The following MAST3 variants were observed in gnomAD, a reference collection of about 807,000 sequenced individuals.
MAST3 encodes the protein microtubule-associated serine/threonine-protein kinase 3.
A neutral mutation model predicts 127.0 loss-of-function variants in MAST3; 43 were observed. The observed-to-expected ratio is 0.34, with a 90% CI of 0.27 to 0.44. MAST3 has a LOEUF of 0.44. Among genes scored for constraint, MAST3 ranks in the 20% least tolerant of loss-of-function variants. The pLI is 1.00. For synonymous variants in MAST3, 785 were observed against 809.2 expected, an observed-to-expected ratio of 0.97 and a Z score of 0.51; for missense variants, 1,390 against 1,919.1, an observed-to-expected ratio of 0.72 and a Z score of 5.15.
chr19:18,099,628 C>A (rs922242730), intron 1 of MAST3, among the ~76,000 whole-genome samples: 2 of 152,154 alleles, frequency 1.3e-5, no homozygotes, highest in African/African-American at 4.8e-5. Flanking sequence ...AGGATTTGAA[C>A]CCACGCAGTT....
chr19:18,107,023 C>T (rs1401028721), intron 1 of MAST3, among the ~76,000 whole-genome samples: 26 of 134,684 alleles, frequency 1.9e-4, no homozygotes, highest in African/African-American at 7.5e-4. Context: ...ACTCTGTTGC[C>T]CAGGCTAGTT....
At position 18,149,852 on chromosome 19, in the gene MAST3, C is replaced by T. The variant is rs530842381; in HGVS notation, c.*126C>T. The T allele has an allele frequency of 2.5e-5, 35 of 1,380,982 alleles. No homozygotes were observed. In the East Asian group the frequency reaches 4.5e-4, roughly 18 times the overall value. 85.5% of individuals were successfully genotyped at this position (1,380,982 alleles called of 1,614,324 possible). A position where few individuals can be genotyped will look rare whatever the true frequency, so the allele number is the denominator to read the frequency against. On this transcript the variant is annotated 3_prime_UTR_variant, in exon 28 of 28. Transcript: ENST00000687212. The surrounding 1 kb of genome is among the most constrained non-coding windows in gnomAD (Gnocchi z 5.9). The stretch of plus-strand genomic sequence containing the variant: ...ACACCCAGAAGGCGAGAAGCCATCT[C>T]GGTCCTTGCTGGAAGGTGGAGACAT...
rs536235336 is a variant in MAST3 at position 18,123,141 on chromosome 19, T to G, written c.400-76T>G. The G allele has an allele frequency of 3.1e-5, 47 of 1,524,732 alleles. No individual in the cohort carries two copies. The African/African-American group carries it at 6.0e-4, about 19-fold the overall frequency. 94.5% of individuals were successfully genotyped at this position (1,524,732 alleles called of 1,614,324 possible). A position where few individuals can be genotyped will look rare whatever the true frequency, so the allele number is the denominator to read the frequency against. On this transcript the variant is annotated intron_variant, in intron 6 of 27. Transcript: ENST00000687212. ...GATGGCCAGCAGGCAGCCTGGGCCT[T>G]GAGGGGTGGTGCTGGGTTCCTGGCC... is the stretch of plus-strand genomic sequence containing the variant.
chr19:18,141,852 G>A (rs1295622308), intron 20 of MAST3, 30 bp from the exon 21 acceptor site: 26 of 1,376,506 alleles, frequency 1.9e-5, no homozygotes, highest in Middle Eastern at 1.9e-4. Flanking sequence ...CACCGCACCC[G>A]GCTTACCATT....
intron 20 of MAST3, among the ~76,000 whole-genome samples, chr19:18,139,883 G>T (rs1375965080): frequency 7.0e-6 from 1 of 141,978 alleles, no homozygotes; most frequent in Non-Finnish European, 1.5e-5. Context: ...GCAGTGGCGT[G>T]ATCTCTGCTC....
chr19:18,124,083 G>A lies in MAST3; in HGVS notation c.778G>A (p.Glu260Lys), dbSNP rs372528449. ...CCGAGACTGCTTGGCCAAGTCTGGC[G>A]AGAACCTCGTCACCTCCCGCTACTT... ...LARDCLAKSG[E>K]NLVTSRYFLE... The change falls in exon 9 of 28, where the codon GAG becomes AAG. Residue 260 changes from glutamate to lysine, a missense_variant. By Grantham distance (56) the Glu-to-Lys change is moderately conservative. Coordinates refer to ENST00000687212, the MANE Select transcript of MAST3 (RefSeq NM_001393504.1). 36 of 1,610,768 alleles carry A rather than the reference G, an allele frequency of 2.2e-5. No individual in the cohort carries two copies. Among genetic ancestry groups the A allele is most frequent in the Middle Eastern group, 3.3e-4 (2 of 6,084 alleles).
chr19:18,134,883 G>A lies in MAST3; in HGVS notation c.1771G>A (p.Asp591Asn). 6.2e-7 allele frequency: 1 copy of A among 1,614,064 alleles called. No homozygotes were observed. Among genetic ancestry groups the A allele is most frequent in the Non-Finnish European group, 8.5e-7 (1 of 1,179,948 alleles). The change falls in exon 17 of 28, where the codon GAC (aspartate) becomes AAC (asparagine). Residue 591 changes from aspartate (D) to asparagine (N), a missense_variant. Asp to Asn is a conservative substitution (Grantham distance 23, BLOSUM62 1). Coordinates refer to ENST00000687212, the MANE Select transcript of MAST3 (RefSeq NM_001393504.1). ...CCGCCAGGGCTATGGGAAGCCAGTG[G>A]ACTGGTGGGCCATGGGCGTCGTCCT... ...IFRQGYGKPV[D>N]WWAMGVVLYE...
chr19:18,136,833 T>G (rs995310544), intron 18 of MAST3, among the ~76,000 whole-genome samples: 69 of 151,162 alleles, frequency 4.6e-4, no homozygotes, highest in Non-Finnish European at 4.9e-4. Context: ...TGTTGTTGTT[T>G]TTTGAGACAG....
At chr19:18,117,518 C>T (rs2147082171) in intron 3 of MAST3, among the ~76,000 whole-genome samples, 1 of 152,160 alleles carries the variant, frequency 6.6e-6, no homozygotes. Flanking sequence ...TAAGGAGCCC[C>T]CAGCCTGGGG....
At chr19:18,130,446 C>T in intron 13 of MAST3, 48 bp from the exon 14 acceptor site, 1 of 1,520,592 alleles carries the variant, frequency 6.6e-7, no homozygotes, top group Non-Finnish European at 8.9e-7. Flanking sequence ...GTAGTGCCTG[C>T]TGGGGCCTCG....
intron 2 of MAST3, among the ~76,000 whole-genome samples, chr19:18,109,427 T>C (rs2038326415): frequency 6.6e-6 from 1 of 151,782 alleles, no homozygotes; most frequent in Admixed American, 6.6e-5. Flanking sequence ...TGTTGGACCG[T>C]GAATCAATGA....
chr19:18,123,716 A>G, intron 8 of MAST3, 61 bp downstream of exon 8: 2 of 1,356,394 alleles, frequency 1.5e-6, no homozygotes, highest in East Asian at 2.5e-5. Flanking sequence ...CTGTCCCTCC[A>G]TGGAACTCTG....
intron 18 of MAST3, among the ~76,000 whole-genome samples, chr19:18,136,948 A>C (rs1310850114): frequency 1.3e-5 from 2 of 152,042 alleles, no homozygotes; most frequent in East Asian, 3.9e-4. Context: ...CAGCCTCCCG[A>C]GTAGCTGGGA....
At position 18,149,227 on chromosome 19, in the gene MAST3, C is replaced by A; in HGVS notation, c.3545C>A (p.Ser1182Tyr). The A allele has an allele frequency of 6.4e-7, 1 of 1,555,948 alleles. No individual in the cohort carries two copies. Among genetic ancestry groups the A allele is most frequent in the Non-Finnish European group, 8.7e-7 (1 of 1,154,436 alleles). ...TASPPSASPS[S>Y]SSPASPAAAG... ...TCCCCACCCAGCGCATCCCCGAGCT[C>A]CAGCAGCCCCGCCTCCCCAGCTGCT... The change falls in exon 28 of 28, where the codon TCC (serine) becomes TAC (tyrosine). Residue 1182 changes from serine (S) to tyrosine (Y), a missense_variant. By Grantham distance (144) the Ser-to-Tyr change is moderately radical. Coordinates refer to ENST00000687212, the MANE Select transcript of MAST3 (RefSeq NM_001393504.1). This position sits in a 1 kb window ranked among gnomAD's most constrained non-coding sequence, Gnocchi z 5.9.
rs779870622 is a variant in MAST3, at chr19:18,144,543, G to A, written c.2662G>A (p.Asp888Asn). Residue 888 changes from aspartate (D) to asparagine (N), a missense_variant, in exon 23 of 28, where the codon GAT (aspartate) becomes AAT (asparagine). Asp to Asn is a conservative substitution (Grantham distance 23, BLOSUM62 1). Transcript: ENST00000687212. This position sits in a 1 kb window ranked among gnomAD's most constrained non-coding sequence, Gnocchi z 4.0. ...GARHSTPRPL[D>N]AGRGRRLGGP... ...CCGACACTCCACACCAAGGCCTCTGGATGCCGGCCGGGGCCGCCGCCTTGG... is the reference window on the plus strand; with the variant it reads ...CCGACACTCCACACCAAGGCCTCTGAATGCCGGCCGGGGCCGCCGCCTTGG... 1.2e-5 allele frequency: 20 copies of A among 1,610,800 alleles called. No individual in the cohort carries two copies. The Admixed American group carries it at 1.3e-4, about 11-fold the overall frequency.
intron 7 of MAST3, 40 bp downstream of exon 7, chr19:18,123,414 G>C (rs761855325): frequency 2.4e-5 from 38 of 1,571,568 alleles, no homozygotes; most frequent in Non-Finnish European, 3.1e-5. Flanking sequence ...GCCCCTCCCT[G>C]GGCTGGTGTG....
At chr19:18,100,872 CA>C (rs2037543952) in intron 1 of MAST3, among the ~76,000 whole-genome samples, 1 of 152,222 alleles carries the variant, frequency 6.6e-6, no homozygotes, top group African/African-American at 2.4e-5. Flanking sequence ...AGTCCATTCA[CA>C]AACGGGTGCT....
intron 1 of MAST3, chr19:18,098,897 G>A (rs1489527549): frequency 2.3e-6 from 1 of 426,354 alleles, no homozygotes; most frequent in Non-Finnish European, 4.7e-6. Flanking sequence ...CCCACGGAGT[G>A]ATCAGTTGTG....
chr19:18,145,336 G>C lies in MAST3; in HGVS notation c.3039+107G>C. On this transcript the variant is annotated intron_variant, in intron 24 of 27. Transcript: ENST00000687212. The surrounding 1 kb of genome is among the most constrained non-coding windows in gnomAD (Gnocchi z 5.9). ...GGAGCCTGGCAGGGTTAGGTAGATA[G>C]AGCTGGTGCCACCGAGTTCATCTCG... is the stretch of plus-strand genomic sequence containing the variant. The C allele has an allele frequency of 9.4e-7, 1 of 1,059,542 alleles. No individual in the cohort carries two copies. The highest frequency in any genetic ancestry group is 2.4e-5 in the East Asian group (1 of 41,994). The allele number at this position is 1,059,542 out of a possible 1,614,324, so 65.6% of individuals were successfully genotyped here. A position where few individuals can be genotyped will look rare whatever the true frequency, so the allele number is the denominator to read the frequency against.
Sources: allele counts gnomAD v4.1 joint callset (sites outside exome capture counted in the v4.1 genomes callset), GRCh38; gene constraint gnomAD v4.1.1; non-coding constraint Gnocchi (gnomAD v3.1); transcripts MANE v1.5; gene names NCBI Gene and HGNC (gene_info 2026-07-23, HGNC 2026-07-21).